MYO1A: variants seen among roughly 807,000 people sequenced by gnomAD.
MYO1A encodes myosin IA.
MYO1A carries 127 observed loss-of-function variants against 138.5 expected under a neutral mutation model. The observed-to-expected ratio is 0.92, with a 90% confidence interval of 0.79 to 1.06. The LOEUF (loss-of-function observed/expected upper bound fraction) is 1.06, where lower values mean the gene tolerates loss of function less well. Among genes scored for constraint, MYO1A ranks in the 50% least tolerant of loss-of-function variants. The probability of loss-of-function intolerance (pLI) is 0.00; values close to 1 mark genes in which losing one functional copy is unlikely to be tolerated. For synonymous variants in MYO1A, 477 were observed against 497.5 expected, an observed-to-expected ratio of 0.96 and a Z score of 0.55; for missense variants, 1,211 against 1,288.8, an observed-to-expected ratio of 0.94 and a Z score of 0.92.
At chr12:57,029,023 GC>G in intron 27 of MYO1A, 108 bp downstream of exon 27, 1 of 1,602,642 alleles carries the variant, frequency 6.2e-7, no homozygotes, top group Non-Finnish European at 8.5e-7. Context: ...ACACCTCCAA[GC>G]CCCGGCCTGC....
chr12:57,039,719 T>G (rs535932148), intron 14 of MYO1A, among the ~76,000 whole-genome samples: 1 of 152,356 alleles, frequency 6.6e-6, no homozygotes, highest in African/African-American at 2.4e-5. Context: ...TTCAAAGATC[T>G]ACATCAGTGA....
intron 12 of MYO1A, among the ~76,000 whole-genome samples, chr12:57,042,102 C>G (rs2030884862): frequency 1.3e-5 from 2 of 152,204 alleles, no homozygotes; most frequent in Admixed American, 1.3e-4. Context: ...TTCACCACCC[C>G]ACAAAAGAAA....
chr12:57,037,084 T>G lies in MYO1A; in HGVS notation c.2063A>C (p.Tyr688Ser). 6.2e-7 allele frequency: 1 copy of G among 1,613,990 alleles called. No individual in the cohort carries two copies. The highest frequency in any genetic ancestry group is 8.5e-7 in the Non-Finnish European group (1 of 1,179,996). The change falls in exon 20 of 28, where the codon TAC becomes TCC. Residue 688 changes from tyrosine (Y) to serine (S), a missense_variant. Transcript: ENST00000300119. The part of the protein sequence containing the change: ...IFIRSPKTLF[Y>S]LEEQRRLRLQ... ...TCTCAGGCGCCTCTGTTCTTCGAGG[T>G]AGAAAAGCTGTGGAGAGGTGGAAGG... is the stretch of plus-strand genomic sequence containing the variant.
chr12:57,032,689 G>GA (rs755496418), intron 22 of MYO1A, among the ~76,000 whole-genome samples: 16 of 149,948 alleles, frequency 1.1e-4, no homozygotes, highest in East Asian at 2.0e-4. Context: ...TAAAAAAGAA[G>GA]AAAAAAAAAG....
chr12:57,050,497 G>A (rs1470217722), upstream of MYO1A, among the ~76,000 whole-genome samples: 1 of 152,174 alleles, frequency 6.6e-6, no homozygotes, highest in Non-Finnish European at 1.5e-5. Context: ...ACCAGCCTAG[G>A]CAACATGGCG....
Position 57,041,223 on chromosome 12 carries a change from C to T in MYO1A, c.1230G>A (p.Glu410=). 4 of 1,613,868 alleles carry T rather than the reference C, an allele frequency of 2.5e-6. No individual in the cohort carries two copies. Among genetic ancestry groups the T allele is most frequent in the Non-Finnish European group, 3.4e-6 (4 of 1,180,008 alleles). ...CCTCTTGCTCTTCTTTCAGGGTCAT[C>T]TCTATGAACACCTGCTGCAGCTTCT... is the stretch of plus-strand genomic sequence containing the variant. ...CNEKLQQVFI[E]MTLKEEQEEY... Residue 410 remains glutamate (E), a synonymous_variant, in exon 14 of 28, where the codon GAG becomes GAA. Coordinates refer to ENST00000300119, the MANE Select transcript of MYO1A (RefSeq NM_005379.4).
intron 12 of MYO1A, among the ~76,000 whole-genome samples, chr12:57,042,790 A>C (rs546798214): frequency 2.0e-5 from 3 of 152,324 alleles, no homozygotes; most frequent in Non-Finnish European, 4.4e-5. Context: ...TTTCCAAATC[A>C]GGACACTGAG....
At chr12:57,043,478 C>A (rs553157191) in intron 10 of MYO1A, 120 bp from the exon 11 acceptor site, 2 of 954,332 alleles carry the variant, frequency 2.1e-6, no homozygotes, top group South Asian at 1.3e-5. Context: ...CTGGAGAAGT[C>A]ATTGCAGCCA....
rs748348872 is a variant in MYO1A at position 57,038,587 on chromosome 12, G to A, written c.1585C>T (p.Arg529Ter). The change falls in exon 17 of 28, where the codon CGA becomes TGA. Residue 529 changes from arginine to a stop codon, truncating the protein, a stop_gained. Coordinates refer to ENST00000300119, the MANE Select transcript of MYO1A (RefSeq NM_005379.4). LOFTEE classifies it high-confidence loss of function. ...TTCCACATGGCCTGCAACAGGTCTC[G>A]GAAGAGTAGGTCATTATTCTTGTCA... ...FIDKNNDLLF[R>*]DLLQAMWKAQ... The A allele has an allele frequency of 4.8e-5, 77 of 1,614,076 alleles. No individual in the cohort carries two copies. Among genetic ancestry groups the A allele is most frequent in the Non-Finnish European group, 6.2e-5 (73 of 1,180,050 alleles).
At chr12:57,037,456 A>T in intron 19 of MYO1A, 92 bp downstream of exon 19, 1 of 1,114,180 alleles carries the variant, frequency 9.0e-7, no homozygotes, top group Non-Finnish European at 1.4e-6. Flanking sequence ...GATCCATTCC[A>T]GGTTATACAC....
At chr12:57,032,250 G>A (rs1032979243) in intron 22 of MYO1A, among the ~76,000 whole-genome samples, 11 of 152,182 alleles carry the variant, frequency 7.2e-5, no homozygotes, top group Admixed American at 2.6e-4. Flanking sequence ...TTATAAGGCA[G>A]GATCCCAGGT....
Position 57,029,546 on chromosome 12 carries a change from A to AC in MYO1A, c.2765_2766insG (p.Ile922MetfsTer33), listed in dbSNP as rs765400327. 3.8e-5 allele frequency: 61 copies of AC among 1,614,086 alleles called. No homozygotes were observed. Among genetic ancestry groups the AC allele is most frequent in the Non-Finnish European group, 5.2e-5 (61 of 1,180,044 alleles). On this transcript the variant is annotated frameshift_variant, in exon 26 of 28. Coordinates refer to ENST00000300119, the MANE Select transcript of MYO1A (RefSeq NM_005379.4). LOFTEE classifies it high-confidence loss of function. ...CCTGGGACTTCTTGGTGTCTGTGAG[A>AC]ATCACATGGCCCTTGGTCAGGAGGA...
At position 57,037,582 on chromosome 12, in the gene MYO1A, C is replaced by T. The variant is rs148808080; in HGVS notation, c.2021G>A (p.Gly674Asp). The change falls in exon 19 of 28, where the codon GGC (glycine) becomes GAC (aspartate). Residue 674 changes from glycine (G) to aspartate (D), a missense_variant. Coordinates refer to ENST00000300119, the MANE Select transcript of MYO1A (RefSeq NM_005379.4). ...LSMSSGELAF[G>D]KTKIFIRSPK... is the part of the protein sequence containing the mutation. ...GCTTCTAATGAAGATCTTTGTCTTG[C>T]CAAAGGCCAGCTCCCCCGAGGACAT... 601 of 1,614,134 alleles carry T rather than the reference C, an allele frequency of 3.7e-4. 1 individual carries two copies. Among genetic ancestry groups the T allele is most frequent in the Middle Eastern group, 3.0e-3 (18 of 6,062 alleles).
chr12:57,043,087 G>T lies in MYO1A; in HGVS notation c.1083C>A (p.Ile361=). The change falls in exon 12 of 28, where the codon ATC becomes ATA. Residue 361 remains isoleucine, a synonymous_variant. Coordinates refer to ENST00000300119, the MANE Select transcript of MYO1A (RefSeq NM_005379.4). ...SRLFDWIVNR[I]NESIKVGIGE... ...GGCCACTTGCCTTGATGCTCTCATT[G>T]ATTCGATTCACTATCCAGTCAAAGA... 6.2e-7 allele frequency: 1 copy of T among 1,614,156 alleles called. No individual in the cohort carries two copies. The highest frequency in any genetic ancestry group is 8.5e-7 in the Non-Finnish European group (1 of 1,180,032).
intron 5 of MYO1A, 46 bp from the exon 6 acceptor site, chr12:57,047,153 G>A (rs1218426752): frequency 6.2e-7 from 1 of 1,609,606 alleles, no homozygotes; most frequent in South Asian, 1.1e-5. Flanking sequence ...AGAAGGGAAA[G>A]GAGGAAGGGC....
intron 22 of MYO1A, among the ~76,000 whole-genome samples, chr12:57,031,435 G>T (rs886987212): frequency 5.9e-5 from 9 of 152,170 alleles, no homozygotes; most frequent in Non-Finnish European, 1.2e-4. Context: ...GCTACCCAGG[G>T]CAGTGAGGTA....
In MYO1A at chr12:57,028,688, G is replaced by C; in HGVS notation, c.*67C>G. ...AGGGGTTAGAGATCCTCCCACACAGGAGGGCAGAGGGGGATTAGTGCTGGT... is the reference window on the plus strand; with the variant it reads ...AGGGGTTAGAGATCCTCCCACACAGCAGGGCAGAGGGGGATTAGTGCTGGT... On this transcript the variant is annotated 3_prime_UTR_variant, in exon 28 of 28. Coordinates refer to ENST00000300119, the MANE Select transcript of MYO1A (RefSeq NM_005379.4). 5.6e-6 allele frequency: 9 copies of C among 1,597,606 alleles called. No individual in the cohort carries two copies. Among genetic ancestry groups the C allele is most frequent in the Non-Finnish European group, 7.7e-6 (9 of 1,169,652 alleles).
At position 57,041,055 on chromosome 12, in the gene MYO1A, G is replaced by A. The variant is rs1451559502; in HGVS notation, c.1269+129C>T. 6.9e-6 allele frequency: 5 copies of A among 727,784 alleles called. No homozygotes were observed. The East Asian group carries it at 1.0e-4, about 15-fold the overall frequency. 45.1% of individuals were successfully genotyped at this position (727,784 alleles called of 1,614,324 possible). A position where few individuals can be genotyped will look rare whatever the true frequency, so the allele number is the denominator to read the frequency against. ...AATGCTGGAATGATCTACTATGCAA[G>A]GGAAACATTTTGTCCTCTGTGTTCA... On this transcript the variant is annotated intron_variant, in intron 14 of 27. Transcript: ENST00000300119.
chr12:57,048,467 G>A (rs913640363), intron 1 of MYO1A, 124 bp from the exon 2 acceptor site: 11 of 708,276 alleles, frequency 1.6e-5, no homozygotes, highest in Middle Eastern at 3.8e-4. Flanking sequence ...CCTAAAGAGA[G>A]CCCCCAACCT....
Sources: allele counts gnomAD v4.1 joint callset (sites outside exome capture counted in the v4.1 genomes callset), GRCh38; gene constraint gnomAD v4.1.1; transcripts MANE v1.5; gene names NCBI Gene and HGNC (gene_info 2026-07-23, HGNC 2026-07-21).